Variants in RANBP17 observed in about 807,000 individuals in gnomAD.
The protein encoded by RANBP17 is ran-binding protein 17.
Under a neutral mutation model 141.2 loss-of-function variants are expected in RANBP17, and 158 were observed. That is an observed-to-expected ratio of 1.12 (90% confidence interval 0.98 to 1.28). The LOEUF is 1.28. RANBP17 is among the 50% of genes most tolerant of loss of function. The probability of loss-of-function intolerance (pLI) is 0.00; values close to 1 mark genes in which losing one functional copy is unlikely to be tolerated. For synonymous variants in RANBP17, 430 were observed against 450.0 expected (o/e 0.96, Z 0.56); for missense variants, 1,438 against 1,290.7 (o/e 1.11, Z -1.75).
intron 5 of RANBP17, among the ~76,000 whole-genome samples, chr5:170,900,132 A>G (rs997257030): frequency 1.2e-4 from 19 of 152,156 alleles, no homozygotes; most frequent in African/African-American, 4.3e-4. Context: ...TTCAGTCGTG[A>G]ATCCGTCTGG....
chr5:170,908,749 C>T, intron 5 of RANBP17, among the ~76,000 whole-genome samples: 1 of 151,508 alleles, frequency 6.6e-6, no homozygotes, highest in Non-Finnish European at 1.5e-5. Flanking sequence ...ATTTGGCCTT[C>T]TGTTATGTTT....
chr5:171,121,514 C>T (rs953377876), intron 14 of RANBP17, among the ~76,000 whole-genome samples: 4 of 152,212 alleles, frequency 2.6e-5, no homozygotes, highest in Admixed American at 6.5e-5. Context: ...TTGGCTGATT[C>T]GCTGTTCTGC....
At position 171,089,679 on chromosome 5, in the gene RANBP17, C is replaced by T. The variant is rs1211719333; in HGVS notation, c.1711-80451C>T. Among the ~76,000 whole-genome samples the T allele has an allele frequency of 4.6e-5, 7 of 152,260 alleles. No individual in the cohort carries two copies. In the South Asian group the frequency reaches 8.3e-4, roughly 18 times the overall value. ...TCTCGTGGTGCGCCGTTTTTTAAGC[C>T]GGTCTGAAAAGCGCAATATTCGGGT... is the stretch of plus-strand genomic sequence containing the variant. On this transcript the variant is annotated intron_variant, in intron 14 of 27. Transcript: ENST00000523189.
intron 5 of RANBP17, among the ~76,000 whole-genome samples, chr5:170,907,257 TGCCTCC>T (rs1461118956): frequency 6.6e-6 from 1 of 151,900 alleles, no homozygotes; most frequent in Non-Finnish European, 1.5e-5. Context: ...AAATATCCTG[TGCCTCC>T]AAGGTAGAGG....
At chr5:170,886,541 A>G (rs1581054348) in intron 3 of RANBP17, among the ~76,000 whole-genome samples, 2 of 152,134 alleles carry the variant, frequency 1.3e-5, no homozygotes, top group South Asian at 4.1e-4. Flanking sequence ...ACTTTTTATA[A>G]TAGATTTGTG....
intron 14 of RANBP17, among the ~76,000 whole-genome samples, chr5:171,050,435 G>A (rs1301276941): frequency 1.3e-5 from 2 of 152,106 alleles, no homozygotes; most frequent in Non-Finnish European, 2.9e-5. Context: ...GCTTTTAACT[G>A]TAATACATAT....
At chr5:170,991,524 T>C (rs1344540290) in intron 14 of RANBP17, among the ~76,000 whole-genome samples, 1 of 151,982 alleles carries the variant, frequency 6.6e-6, no homozygotes, top group Non-Finnish European at 1.5e-5. Flanking sequence ...AAGGTAGTTA[T>C]CAACAATCCA....
At chr5:171,033,519 C>A (rs1781681321) in intron 14 of RANBP17, among the ~76,000 whole-genome samples, 1 of 152,114 alleles carries the variant, frequency 6.6e-6, no homozygotes, top group Admixed American at 6.6e-5. Context: ...CCTTTTCTAA[C>A]TTTAGAGGTT....
At chr5:170,916,715 A>T (rs1288983410) in intron 9 of RANBP17, 131 bp downstream of exon 9, 8 of 435,180 alleles carry the variant, frequency 1.8e-5, no homozygotes, top group Non-Finnish European at 2.2e-5. Context: ...TCTTCCTTAG[A>T]GCTTTTTTTT....
intron 18 of RANBP17, among the ~76,000 whole-genome samples, chr5:171,195,389 T>C (rs1761915990): frequency 6.6e-6 from 1 of 152,220 alleles, no homozygotes; most frequent in South Asian, 2.1e-4. Flanking sequence ...ATAGTAATGT[T>C]GTAAAAGTTG....
intron 25 of RANBP17, among the ~76,000 whole-genome samples, chr5:171,278,238 G>T (rs571788389): frequency 3.3e-5 from 5 of 152,196 alleles, no homozygotes. Flanking sequence ...AATTAAATTG[G>T]CCGGGTGTGG....
chr5:170,878,254 G>T lies in RANBP17; in HGVS notation c.165+11G>T. The T allele has an allele frequency of 6.3e-7, 1 of 1,596,422 alleles. No individual in the cohort carries two copies. The highest frequency in any genetic ancestry group is 8.5e-7 in the Non-Finnish European group (1 of 1,170,740). On this transcript the variant is annotated intron_variant, in intron 2 of 27. Coordinates refer to ENST00000523189, the MANE Select transcript of RANBP17 (RefSeq NM_022897.5). ...TTAGAACAAGGAACAGTAAGTATTTGGTAACAATGATTAACCATGAAAGAT... is the reference window on the plus strand; with the variant it reads ...TTAGAACAAGGAACAGTAAGTATTTTGTAACAATGATTAACCATGAAAGAT...
chr5:171,170,293 T>C, intron 15 of RANBP17, 90 bp downstream of exon 15: 1 of 534,100 alleles, frequency 1.9e-6, no homozygotes, highest in South Asian at 4.8e-5. Flanking sequence ...TTTTATATAT[T>C]AATTTTTAAA....
intron 14 of RANBP17, among the ~76,000 whole-genome samples, chr5:171,029,483 C>T (rs374254192): frequency 3.3e-5 from 5 of 152,118 alleles, no homozygotes; most frequent in African/African-American, 1.2e-4. Flanking sequence ...TTAGAGCTAA[C>T]ATTTGCACTC....
At chr5:171,251,305 C>G (rs1289721996) in intron 24 of RANBP17, among the ~76,000 whole-genome samples, 1 of 151,960 alleles carries the variant, frequency 6.6e-6, no homozygotes. Context: ...GTCTCAAACT[C>G]CTGGGCTCAA....
chr5:171,122,689 T>C (rs1756126839), intron 14 of RANBP17, among the ~76,000 whole-genome samples: 1 of 152,192 alleles, frequency 6.6e-6, no homozygotes, highest in Admixed American at 6.5e-5. Flanking sequence ...CCTTGGCCTT[T>C]GGAGGCCCTG....
At chr5:170,965,264 A>G (rs1248328336) in intron 13 of RANBP17, among the ~76,000 whole-genome samples, 1 of 149,476 alleles carries the variant, frequency 6.7e-6, no homozygotes, top group Non-Finnish European at 1.5e-5. Context: ...TTTCTTGTAA[A>G]TTTGTTTGAG....
intron 5 of RANBP17, chr5:170,897,244 A>G: frequency 1.5e-6 from 1 of 646,766 alleles, no homozygotes; most frequent in Admixed American, 1.8e-5. Flanking sequence ...ACCAGGTTTT[A>G]GAGAAACTCA....
chr5:171,192,578 C>T (rs749080602), intron 18 of RANBP17, among the ~76,000 whole-genome samples: 65 of 152,098 alleles, frequency 4.3e-4, no homozygotes, highest in South Asian at 8.3e-4. Flanking sequence ...GAGAAAACTA[C>T]GTAGAAGAGT....
Sources: allele counts gnomAD v4.1 joint callset (sites outside exome capture counted in the v4.1 genomes callset), GRCh38; gene constraint gnomAD v4.1.1; transcripts MANE v1.5; gene names NCBI Gene and HGNC (gene_info 2026-07-23, HGNC 2026-07-21).